PCDHGA3: variants seen among roughly 807,000 people sequenced by gnomAD.
The protein encoded by PCDHGA3 is protocadherin gamma subfamily A, 3.
A neutral mutation model predicts 58.5 loss-of-function variants in PCDHGA3; 40 were observed. The observed-to-expected ratio is 0.68, with a 90% CI of 0.53 to 0.89. The LOEUF (loss-of-function observed/expected upper bound fraction) is 0.89, where lower values mean the gene tolerates loss of function less well. Among genes scored for constraint, PCDHGA3 ranks in the 40% least tolerant of loss-of-function variants. The pLI, the probability that PCDHGA3 is intolerant of heterozygous loss-of-function variation, is 0.00. For synonymous variants in PCDHGA3, 530 were observed against 525.7 expected, an observed-to-expected ratio of 1.01 and a Z score of -0.11; for missense variants, 1,223 against 1,195.9, an observed-to-expected ratio of 1.02 and a Z score of -0.33.
At chr5:141,394,744 T>C (rs755757019) in intron 1 of PCDHGA3, 1 of 1,613,408 alleles carries the variant, frequency 6.2e-7, no homozygotes, top group Non-Finnish European at 8.5e-7. Flanking sequence ...AGCCTCGTGG[T>C]GGCCGTCCAG....
chr5:141,398,740 C>T, intron 1 of PCDHGA3: 1 of 1,613,864 alleles, frequency 6.2e-7, no homozygotes, highest in Non-Finnish European at 8.5e-7. Flanking sequence ...CCGGGAACAA[C>T]AGAGTTACCA....
chr5:141,464,823 C>T (rs890811354), intron 1 of PCDHGA3, among the ~76,000 whole-genome samples: 5 of 151,986 alleles, frequency 3.3e-5, no homozygotes, highest in African/African-American at 1.2e-4. Flanking sequence ...ACTGTAGCCT[C>T]GCACTCCTGG....
chr5:141,375,055 G>A, intron 1 of PCDHGA3: 1 of 1,614,042 alleles, frequency 6.2e-7, no homozygotes, highest in South Asian at 1.1e-5. Context: ...CCCGGGATGG[G>A]CCAGGTCTTC....
intron 1 of PCDHGA3, chr5:141,423,804 T>A: frequency 8.1e-7 from 1 of 1,240,508 alleles, no homozygotes; most frequent in Non-Finnish European, 1.0e-6. Context: ...GAGCAATACA[T>A]GTGAGTTTTA....
At chr5:141,410,668 T>C in intron 1 of PCDHGA3, 2 of 1,565,640 alleles carry the variant, frequency 1.3e-6, no homozygotes, top group African/African-American at 2.7e-5. Context: ...TCTACTAGTT[T>C]CTCATATTTT....
In PCDHGA3 at chr5:141,431,615, G is replaced by C. The variant is rs1231591874; in HGVS notation, c.2425-63192G>C. The C allele has an allele frequency of 1.2e-6, 2 of 1,614,118 alleles. No individual in the cohort carries two copies. Among genetic ancestry groups the C allele is most frequent in the Non-Finnish European group, 8.5e-7 (1 of 1,180,050 alleles). ...GAGGTATTCCTTCCGGTATGTGGACGACAAGGCGGCCCAAGTTTTCAAACT... is the reference window on the plus strand; with the variant it reads ...GAGGTATTCCTTCCGGTATGTGGACCACAAGGCGGCCCAAGTTTTCAAACT... On this transcript the variant is annotated intron_variant, in intron 1 of 3. Coordinates refer to ENST00000253812, the MANE Select transcript of PCDHGA3 (RefSeq NM_018916.4). This position sits in a 1 kb window ranked among gnomAD's most constrained non-coding sequence, Gnocchi z 4.8.
chr5:141,356,544 C>T (rs1379165574), intron 1 of PCDHGA3: 1 of 1,614,126 alleles, frequency 6.2e-7, no homozygotes. Flanking sequence ...TCAATGACAA[C>T]CCACCCACTT....
rs1165142153 is a variant in PCDHGA3 at position 141,402,786 on chromosome 5, G to A, written c.2424+56329G>A. On this transcript the variant is annotated intron_variant, in intron 1 of 3. Transcript: ENST00000253812. ...ACTCCATCCGGATTTCCAGTTCTGC[G>A]GCTACACAAAACCCGGCAGATACCA... 3.3e-6 allele frequency: 3 copies of A among 907,574 alleles called. No homozygotes were observed. The African/African-American group carries it at 5.0e-5, about 15-fold the overall frequency. 56.2% of individuals were successfully genotyped at this position (907,574 alleles called of 1,614,324 possible).
intron 1 of PCDHGA3, chr5:141,410,048 C>T (rs1471679304): frequency 4.3e-6 from 7 of 1,613,042 alleles, no homozygotes; most frequent in Non-Finnish European, 4.2e-6. Flanking sequence ...TGAGCCCGGA[C>T]TCTTCAGCCT....
chr5:141,413,530 A>G (rs879218343), intron 1 of PCDHGA3: 1 of 1,613,954 alleles, frequency 6.2e-7, no homozygotes, highest in Non-Finnish European at 8.5e-7. Context: ...AGACAGGGTG[A>G]AACTTTTTGG....
intron 1 of PCDHGA3, chr5:141,478,018 C>G: frequency 6.2e-7 from 1 of 1,614,124 alleles, no homozygotes; most frequent in Non-Finnish European, 8.5e-7. Flanking sequence ...CCCGTCCAGT[C>G]CAAGACACAG....
chr5:141,400,044 G>C lies in PCDHGA3; in HGVS notation c.2424+53587G>C, dbSNP rs745775469. 4 of 1,613,556 alleles carry C rather than the reference G, an allele frequency of 2.5e-6. No homozygotes were observed. In the South Asian group the frequency reaches 4.4e-5, roughly 18 times the overall value. On this transcript the variant is annotated intron_variant, in intron 1 of 3. Coordinates refer to ENST00000253812, the MANE Select transcript of PCDHGA3 (RefSeq NM_018916.4). ...GGGACGCGGCCCGCCAGCGCCTGCT[G>C]GTTGCTGTGCGTGATGGTGGACAGC...
At chr5:141,361,057 G>T (rs768644219) in intron 1 of PCDHGA3, 2 of 1,613,830 alleles carry the variant, frequency 1.2e-6, no homozygotes, top group Non-Finnish European at 1.7e-6. Context: ...GGATGATTTG[G>T]ATTTTGAGAT....
chr5:141,351,108 T>C (rs1758648471), intron 1 of PCDHGA3: 1 of 1,613,900 alleles, frequency 6.2e-7, no homozygotes, highest in African/African-American at 1.3e-5. Flanking sequence ...AATTCCCCAA[T>C]AAGTACCAGC....
chr5:141,478,454 A>T, intron 1 of PCDHGA3: 1 of 1,613,596 alleles, frequency 6.2e-7, no homozygotes. Flanking sequence ...TGGTGCAGCC[A>T]GTCCACTGGC....
chr5:141,366,655 C>T (rs761615702), intron 1 of PCDHGA3: 7 of 1,614,102 alleles, frequency 4.3e-6, no homozygotes, highest in African/African-American at 2.7e-5. Context: ...AGCCCAACTA[C>T]GCAGACACGC....
At chr5:141,364,509 C>T (rs1482984712) in intron 1 of PCDHGA3, 2 of 1,613,942 alleles carry the variant, frequency 1.2e-6, no homozygotes, top group South Asian at 1.1e-5. Flanking sequence ...CAGGAGCTGG[C>T]GGAGCGCGGA....
chr5:141,437,058 T>C (rs539776847), intron 1 of PCDHGA3, among the ~76,000 whole-genome samples: 2 of 152,246 alleles, frequency 1.3e-5, no homozygotes, highest in Non-Finnish European at 2.9e-5. Context: ...CTGGTGATCA[T>C]TATTTGGTTT....
At chr5:141,436,691 A>G (rs2097840863) in intron 1 of PCDHGA3, among the ~76,000 whole-genome samples, 1 of 152,226 alleles carries the variant, frequency 6.6e-6, no homozygotes, top group Admixed American at 6.5e-5. Context: ...TATATTTTCA[A>G]TGCCAGCACA....
Sources: allele counts gnomAD v4.1 joint callset (sites outside exome capture counted in the v4.1 genomes callset), GRCh38; gene constraint gnomAD v4.1.1; non-coding constraint Gnocchi (gnomAD v3.1); transcripts MANE v1.5; gene names NCBI Gene and HGNC (gene_info 2026-07-23, HGNC 2026-07-21).